The following NHSL1 variants were observed in gnomAD, a reference collection of about 807,000 sequenced individuals.
NHSL1 encodes the protein NHS-like protein 1.
Under a neutral mutation model 95.0 loss-of-function variants are expected in NHSL1, and 48 were observed. The ratio of observed to expected loss-of-function variants is 0.51; its 90% CI spans 0.40 to 0.64. NHSL1 has a LOEUF of 0.64. Ranked by LOEUF, NHSL1 falls within the 30% of genes least tolerant of loss-of-function variation. The pLI is 0.00. For missense variants in NHSL1, 1,971 were observed against 2,077.7 expected (o/e 0.95, Z 1.00); for synonymous variants, 783 against 833.9 (o/e 0.94, Z 1.05).
Position 138,432,789 on chromosome 6 carries a change from T to A in NHSL1, c.1556A>T (p.Asn519Ile). The A allele has an allele frequency of 6.4e-7, 1 of 1,551,706 alleles. No homozygotes were observed. The highest frequency in any genetic ancestry group is 8.7e-7 in the Non-Finnish European group (1 of 1,146,988). Reference protein sequence around the residue: ...RENGSQAMPYNCRNNLAFPAH... With the variant: ...RENGSQAMPYICRNNLAFPAH... ...TGGGAAGGCCAGGTTGTTTCTACAA[T>A]TATACGGCATAGCTTGGGACCCATT... is the stretch of plus-strand genomic sequence containing the variant. Residue 519 changes from asparagine (N) to isoleucine (I), a missense_variant, in exon 6 of 8, where the codon AAT (asparagine) becomes ATT (isoleucine). Asn to Ile is a moderately radical substitution (Grantham distance 149). Around this residue, in one of 3 missense-constraint regions of NHSL1, gnomAD observed 1,602 missense variants for 1,654.5 expected, o/e 0.97. Coordinates refer to ENST00000343505, the MANE Select transcript of NHSL1 (RefSeq NM_001144060.2). This position sits in a 1 kb window ranked among gnomAD's most constrained non-coding sequence, Gnocchi z 4.4.
intron 1 of NHSL1, among the ~76,000 whole-genome samples, chr6:138,680,307 C>T (rs573647578): frequency 3.9e-5 from 6 of 152,312 alleles, no homozygotes; most frequent in Non-Finnish European, 8.8e-5. Context: ...GTCAGTGTCA[C>T]TCTGCACTGT....
intron 1 of NHSL1, among the ~76,000 whole-genome samples, chr6:138,588,961 C>T (rs748078416): frequency 1.1e-4 from 17 of 152,122 alleles, no homozygotes; most frequent in Non-Finnish European, 2.4e-4. Flanking sequence ...CCTCAGAACA[C>T]GACATGCAGT....
intron 1 of NHSL1, among the ~76,000 whole-genome samples, chr6:138,582,801 T>C (rs937272301): frequency 1.3e-5 from 2 of 152,136 alleles, no homozygotes; most frequent in Admixed American, 6.5e-5. Flanking sequence ...TCTGGAACAT[T>C]TCTCATCTTT....
intron 1 of NHSL1, among the ~76,000 whole-genome samples, chr6:138,539,672 A>C (rs1782503284): frequency 6.6e-6 from 1 of 152,246 alleles, no homozygotes; most frequent in African/African-American, 2.4e-5. Context: ...TGAAGAGTTT[A>C]ACTGAAATCT....
At chr6:138,630,856 C>T (rs2114658180) in intron 1 of NHSL1, among the ~76,000 whole-genome samples, 1 of 152,310 alleles carries the variant, frequency 6.6e-6, no homozygotes, top group South Asian at 2.1e-4. Flanking sequence ...CCTGCAAAAA[C>T]ACCAATCTAA....
chr6:138,571,316 A>T (rs1480494424), intron 1 of NHSL1, among the ~76,000 whole-genome samples: 1 of 152,184 alleles, frequency 6.6e-6, no homozygotes, highest in Non-Finnish European at 1.5e-5. Context: ...CGATTCCCGA[A>T]GTTTTCTCAG....
At chr6:138,447,500 G>A (rs1305508868) in intron 3 of NHSL1, among the ~76,000 whole-genome samples, 1 of 152,188 alleles carries the variant, frequency 6.6e-6, no homozygotes, top group Non-Finnish European at 1.5e-5. Flanking sequence ...AATGGCCGGC[G>A]TGGTGGCTCA....
chr6:138,519,555 A>AT (rs1215522337), intron 1 of NHSL1, among the ~76,000 whole-genome samples: 1 of 152,144 alleles, frequency 6.6e-6, no homozygotes, highest in Non-Finnish European at 1.5e-5. Context: ...TTTGCACAAG[A>AT]TTTTTTTCCC....
chr6:138,557,473 G>C (rs1421650713), intron 1 of NHSL1, among the ~76,000 whole-genome samples: 1 of 152,182 alleles, frequency 6.6e-6, no homozygotes, highest in Non-Finnish European at 1.5e-5. Flanking sequence ...ACCAGAGACA[G>C]GTGCAAGTAC....
At chr6:138,583,417 C>A (rs1784089642) in intron 1 of NHSL1, among the ~76,000 whole-genome samples, 2 of 152,118 alleles carry the variant, frequency 1.3e-5, no homozygotes, top group Non-Finnish European at 1.5e-5. Context: ...GGCAAGTTAC[C>A]AAGGGTTAAA....
intron 1 of NHSL1, among the ~76,000 whole-genome samples, chr6:138,570,820 AC>A (rs1301274313): frequency 6.6e-6 from 1 of 152,242 alleles, no homozygotes. Context: ...AACATGGAAA[AC>A]ACAATCACGC....
chr6:138,450,456 A>G (rs1777156379), intron 3 of NHSL1, among the ~76,000 whole-genome samples: 1 of 152,236 alleles, frequency 6.6e-6, no homozygotes, highest in African/African-American at 2.4e-5. Context: ...TATGCCCTGG[A>G]GCAAGGGCTC....
chr6:138,651,801 G>T (rs531255105), intron 1 of NHSL1, among the ~76,000 whole-genome samples: 103 of 152,130 alleles, frequency 6.8e-4, no homozygotes, highest in African/African-American at 2.4e-3. Context: ...ATCACAATAG[G>T]TATCAGATTA....
At chr6:138,502,676 C>T (rs997202079), upstream of NHSL1, among the ~76,000 whole-genome samples, 2 of 152,106 alleles carry the variant, frequency 1.3e-5, no homozygotes, top group African/African-American at 2.4e-5. Context: ...TGCATAATAG[C>T]GAAAAGCAGT....
chr6:138,465,141 C>A (rs1778279705), intron 3 of NHSL1, among the ~76,000 whole-genome samples: 1 of 151,860 alleles, frequency 6.6e-6, no homozygotes, highest in Admixed American at 6.6e-5. Context: ...CATTCACTCA[C>A]CACACTCACT....
chr6:138,663,165 T>C (rs971817098), intron 1 of NHSL1, among the ~76,000 whole-genome samples: 6 of 151,436 alleles, frequency 4.0e-5, no homozygotes, highest in African/African-American at 1.5e-4. Context: ...TTAAAAATAA[T>C]GTATAGTTAG....
chr6:138,622,539 T>C (rs891490585), intron 1 of NHSL1, among the ~76,000 whole-genome samples: 4 of 151,990 alleles, frequency 2.6e-5, no homozygotes, highest in African/African-American at 9.7e-5. Context: ...GGGTGTTTCA[T>C]GAGGGTACAT....
intron 1 of NHSL1, among the ~76,000 whole-genome samples, chr6:138,516,158 T>C (rs1158143564): frequency 6.6e-6 from 1 of 152,170 alleles, no homozygotes; most frequent in African/African-American, 2.4e-5. Flanking sequence ...GTAACTGAAG[T>C]CTCAGTGTGC....
chr6:138,458,705 A>T (rs1033137672), intron 3 of NHSL1, among the ~76,000 whole-genome samples: 2 of 152,024 alleles, frequency 1.3e-5, no homozygotes, highest in Non-Finnish European at 2.9e-5. Context: ...ATGTGCCTGT[A>T]GTCCCAGCTA....
Sources: allele counts gnomAD v4.1 joint callset (sites outside exome capture counted in the v4.1 genomes callset), GRCh38; gene constraint gnomAD v4.1.1; regional missense constraint gnomAD v4.1.1; non-coding constraint Gnocchi (gnomAD v3.1); transcripts MANE v1.5; gene names NCBI Gene and HGNC (gene_info 2026-07-23, HGNC 2026-07-21).